The following FSD1L variants were observed in gnomAD, a reference collection of about 807,000 sequenced individuals.
FSD1L encodes the protein fibronectin type III and SPRY domain containing 1 like.
A neutral mutation model predicts 71.6 loss-of-function variants in FSD1L; 45 were observed. The observed-to-expected ratio is 0.63, with a 90% confidence interval of 0.49 to 0.81. The LOEUF is 0.81. FSD1L is among the 30% of genes least tolerant of loss of function. FSD1L has a pLI of 0.00. For missense variants in FSD1L, 561 were observed against 618.1 expected, an observed-to-expected ratio of 0.91 and a Z score of 0.98; for synonymous variants, 197 against 207.2, an observed-to-expected ratio of 0.95 and a Z score of 0.42.
upstream of FSD1L, among the ~76,000 whole-genome samples, chr9:105,446,706 G>A (rs913627725): frequency 1.4e-5 from 2 of 141,980 alleles, no homozygotes; most frequent in Non-Finnish European, 3.1e-5. Flanking sequence ...CGTCTAGCAC[G>A]TTAACTTTTT....
chr9:105,447,980 G>A (rs910587095), upstream of FSD1L: 5 of 545,874 alleles, frequency 9.2e-6, no homozygotes, highest in Non-Finnish European at 1.6e-5. Context: ...GGAGCAGTCA[G>A]CCGCTGCGCG....
At chr9:105,539,156 T>C in intron 12 of FSD1L, 107 bp from the exon 13 acceptor site, 1 of 606,954 alleles carries the variant, frequency 1.6e-6, no homozygotes, top group Non-Finnish European at 2.8e-6. Context: ...ATACAAAAAT[T>C]AATGCCAACT....
chr9:105,538,808 T>C (rs537015768), intron 12 of FSD1L, among the ~76,000 whole-genome samples: 13 of 152,170 alleles, frequency 8.5e-5, no homozygotes, highest in African/African-American at 2.9e-4. Context: ...GTGATAGATA[T>C]ATTGTGATTT....
intron 7 of FSD1L, among the ~76,000 whole-genome samples, chr9:105,493,491 T>C (rs921711196): frequency 2.0e-5 from 3 of 151,758 alleles, no homozygotes; most frequent in Admixed American, 6.6e-5. Context: ...GAGCATTTAG[T>C]CCATTTACAT....
chr9:105,486,502 G>T (rs1259966988), intron 7 of FSD1L, among the ~76,000 whole-genome samples: 3 of 152,106 alleles, frequency 2.0e-5, no homozygotes, highest in Non-Finnish European at 2.9e-5. Flanking sequence ...TTAAATTTCA[G>T]ACTGGGGAAT....
At chr9:105,450,209 C>A (rs1205144439) in intron 1 of FSD1L, among the ~76,000 whole-genome samples, 1 of 152,060 alleles carries the variant, frequency 6.6e-6, no homozygotes, top group Non-Finnish European at 1.5e-5. Flanking sequence ...CAGTAGTACA[C>A]CCCAGACATG....
rs147199197 is a variant in FSD1L at position 105,544,014 on chromosome 9, T to C, written c.1468-2344T>C. The stretch of plus-strand genomic sequence containing the variant: ...ATCCCTGAGGAATCGCCACACTGTC[T>C]TCCACAATGGTTGAACCAGTTTACT... On this transcript the variant is annotated intron_variant, in intron 13 of 13. Transcript: ENST00000481272. Among the ~76,000 whole-genome samples the C allele has an allele frequency of 7.8e-3, 1,192 of 152,366 alleles. 18 individuals are homozygous for C. The highest frequency in any genetic ancestry group is 0.027 in the African/African-American group (1,112 of 41,582).
chr9:105,465,428 A>G (rs944123085), intron 3 of FSD1L, among the ~76,000 whole-genome samples: 1 of 152,228 alleles, frequency 6.6e-6, no homozygotes, highest in Non-Finnish European at 1.5e-5. Context: ...TATCCCAATA[A>G]TAAAGCCAAA....
chr9:105,503,980 C>G (rs1017012000), intron 7 of FSD1L, among the ~76,000 whole-genome samples: 2 of 152,182 alleles, frequency 1.3e-5, no homozygotes, highest in Non-Finnish European at 2.9e-5. Flanking sequence ...TGCAGTCTTA[C>G]TAGAATGGCA....
intron 13 of FSD1L, among the ~76,000 whole-genome samples, chr9:105,545,409 CTTTA>C (rs1346150364): frequency 6.9e-6 from 1 of 145,724 alleles, no homozygotes; most frequent in Non-Finnish European, 1.5e-5. Flanking sequence ...ACTGAATACC[CTTTA>C]TTTCTTTCTC....
intron 7 of FSD1L, among the ~76,000 whole-genome samples, chr9:105,505,637 T>G (rs1207752403): frequency 6.6e-6 from 1 of 152,232 alleles, no homozygotes; most frequent in East Asian, 1.9e-4. Context: ...GGTATTTTTC[T>G]TGTTTCATTG....
chr9:105,452,669 G>GCCTGCCTGCCTTCCTTCCTTCCTT (rs1191519308), intron 1 of FSD1L, among the ~76,000 whole-genome samples: 119 of 96,172 alleles, frequency 1.2e-3, no homozygotes, highest in African/African-American at 4.3e-3. Flanking sequence ...CTGCCTGCCT[G>GCCTGCCTGCCTTCCTTCCTTCCTT]CCTTCCTTCC....
intron 7 of FSD1L, among the ~76,000 whole-genome samples, chr9:105,503,077 G>T (rs1376686876): frequency 2.0e-5 from 3 of 151,280 alleles, no homozygotes; most frequent in Non-Finnish European, 4.4e-5. Flanking sequence ...AAAGTGAGAT[G>T]GGGTCTCACT....
chr9:105,448,061 T>C lies in FSD1L; in HGVS notation c.-160T>C, dbSNP rs988304003. 37 of 785,748 alleles carry C rather than the reference T, an allele frequency of 4.7e-5. No individual in the cohort carries two copies. In the Admixed American group the frequency reaches 8.8e-4, roughly 19 times the overall value. The allele number at this position is 785,748 out of a possible 1,614,324, so 48.7% of individuals were successfully genotyped here. A position where few individuals can be genotyped will look rare whatever the true frequency, so the allele number is the denominator to read the frequency against. ...TTCACCCTGGCAACCGCGGCGTGAC[T>C]ACGGCGCGCGCGGTCTGGGCGCGGA... is the stretch of plus-strand genomic sequence containing the variant. On this transcript the variant is annotated 5_prime_UTR_variant, in exon 1 of 14. Coordinates refer to ENST00000481272, the MANE Select transcript of FSD1L (RefSeq NM_001145313.3).
At chr9:105,541,643 T>C (rs1836623653) in intron 13 of FSD1L, among the ~76,000 whole-genome samples, 1 of 152,196 alleles carries the variant, frequency 6.6e-6, no homozygotes, top group East Asian at 1.9e-4. Flanking sequence ...TGTACAAGAT[T>C]AATTTTTAAG....
At position 105,468,206 on chromosome 9, in the gene FSD1L, A is replaced by G. The variant is rs1208319669; in HGVS notation, c.221A>G (p.Asn74Ser). ...TTTTTTAAACAGGAAAATTCGTCCA[A>G]CATACTCTCAGAGTTAGATGAAGAA... ...TLKGVQENSSNILSELDEEFD... is the reference protein window; with the variant it reads ...TLKGVQENSSSILSELDEEFD... The change falls in exon 4 of 14, where the codon AAC becomes AGC. Residue 74 changes from asparagine (N) to serine (S), a missense_variant. Physicochemically the swap from Asn to Ser is conservative, Grantham distance 46. This residue lies in a region of FSD1L where 410 missense variants were observed against 413.5 expected (regional missense o/e 0.99). Transcript: ENST00000481272. The G allele has an allele frequency of 8.5e-6, 12 of 1,412,424 alleles. No individual in the cohort carries two copies. The highest frequency in any genetic ancestry group is 1.5e-5 in the African/African-American group (1 of 65,728). The allele number at this position is 1,412,424 out of a possible 1,614,324, so 87.5% of individuals were successfully genotyped here.
At chr9:105,486,799 G>A (rs1398718502) in intron 7 of FSD1L, among the ~76,000 whole-genome samples, 2 of 152,130 alleles carry the variant, frequency 1.3e-5, no homozygotes, top group African/African-American at 4.8e-5. Flanking sequence ...ATATATGCAT[G>A]TGGTAAACAG....
chr9:105,482,191 T>G (rs757452434), intron 6 of FSD1L, among the ~76,000 whole-genome samples: 1 of 152,168 alleles, frequency 6.6e-6, no homozygotes, highest in Non-Finnish European at 1.5e-5. Flanking sequence ...CATTTATCAT[T>G]TGCTATGGTA....
chr9:105,461,628 T>A lies in FSD1L; in HGVS notation c.111+13T>A. The A allele has an allele frequency of 6.7e-7, 1 of 1,485,472 alleles. No individual in the cohort carries two copies. Among genetic ancestry groups the A allele is most frequent in the Non-Finnish European group, 9.2e-7 (1 of 1,086,840 alleles). 92.0% of individuals were successfully genotyped at this position (1,485,472 alleles called of 1,614,324 possible). On this transcript the variant is annotated intron_variant, in intron 2 of 13. Coordinates refer to ENST00000481272, the MANE Select transcript of FSD1L (RefSeq NM_001145313.3). ...TAACTTGCAGCAGGTTGGTAGCTCT[T>A]AAAGGAGCAGAGGTTTTAACTTGAA...
Sources: gnomAD v4.1 joint callset for allele counts (sites outside exome capture counted in the v4.1 genomes callset) on GRCh38, gnomAD v4.1.1 for gene constraint, gnomAD v4.1.1 regional missense constraint, MANE v1.5 for transcripts, NCBI Gene and HGNC (gene_info 2026-07-23, HGNC 2026-07-21) for gene names.